GLRA3: variants seen among roughly 807,000 people sequenced by gnomAD.
The protein encoded by GLRA3 is glycine receptor alpha 3.
Under a neutral mutation model 60.4 loss-of-function variants are expected in GLRA3, and 44 were observed. The observed-to-expected ratio is 0.73, with a 90% CI of 0.57 to 0.94. The LOEUF (loss-of-function observed/expected upper bound fraction) is 0.94. Ranked by LOEUF, GLRA3 falls within the 40% of genes least tolerant of loss-of-function variation. GLRA3 has a pLI of 0.00. For synonymous variants in GLRA3, 223 were observed against 192.9 expected, an observed-to-expected ratio of 1.16 and a Z score of -1.29; for missense variants, 508 against 564.6, an observed-to-expected ratio of 0.90 and a Z score of 1.02.
chr4:174,756,271 A>G (rs1165149598), intron 3 of GLRA3, among the ~76,000 whole-genome samples: 1 of 152,224 alleles, frequency 6.6e-6, no homozygotes, highest in African/African-American at 2.4e-5. Flanking sequence ...CCAGCATAAT[A>G]CTGATACCAC....
At chr4:174,674,366 C>T (rs889125364) in intron 7 of GLRA3, among the ~76,000 whole-genome samples, 1 of 152,136 alleles carries the variant, frequency 6.6e-6, no homozygotes, top group African/African-American at 2.4e-5. Flanking sequence ...CTTATGGCCA[C>T]CTGATACAGA....
At chr4:174,762,949 A>G (rs1370040587) in intron 3 of GLRA3, among the ~76,000 whole-genome samples, 6 of 152,160 alleles carry the variant, frequency 3.9e-5, no homozygotes, top group Non-Finnish European at 4.4e-5. Context: ...GTCTTTTATC[A>G]TCAGAATTGA....
chr4:174,770,757 C>A (rs978685401), intron 2 of GLRA3, among the ~76,000 whole-genome samples: 2 of 151,942 alleles, frequency 1.3e-5, no homozygotes, highest in African/African-American at 4.8e-5. Context: ...ATCTTCATTG[C>A]TTATTTCTGA....
chr4:174,821,008 A>T (rs937880619), intron 1 of GLRA3, among the ~76,000 whole-genome samples: 25 of 152,284 alleles, frequency 1.6e-4, no homozygotes, highest in Admixed American at 1.6e-3. Flanking sequence ...AACTGTTGAA[A>T]TCTTGCTTTA....
chr4:174,812,779 G>A (rs1302728781), intron 1 of GLRA3, among the ~76,000 whole-genome samples: 1 of 152,064 alleles, frequency 6.6e-6, no homozygotes, highest in Non-Finnish European at 1.5e-5. Context: ...TATACTTAAA[G>A]CTAATATTCT....
chr4:174,741,290 G>A (rs1416077090), intron 3 of GLRA3, among the ~76,000 whole-genome samples: 1 of 152,154 alleles, frequency 6.6e-6, no homozygotes, highest in African/African-American at 2.4e-5. Flanking sequence ...TAATATGTGT[G>A]TAGTTGTTCT....
chr4:174,667,459 G>T (rs1313666380), intron 7 of GLRA3, among the ~76,000 whole-genome samples: 1 of 152,136 alleles, frequency 6.6e-6, no homozygotes, highest in Non-Finnish European at 1.5e-5. Flanking sequence ...TTTATGGAAA[G>T]AAGCTGTCAA....
chr4:174,734,629 A>G (rs1160214174), intron 3 of GLRA3, among the ~76,000 whole-genome samples: 1 of 152,334 alleles, frequency 6.6e-6, no homozygotes, highest in Non-Finnish European at 1.5e-5. Flanking sequence ...AAGCAATCTA[A>G]TTGTGTACCA....
intron 5 of GLRA3, among the ~76,000 whole-genome samples, chr4:174,691,186 TTTTTGACTTTTTAGTAATAGCCA>T (rs1395482084): frequency 3.9e-5 from 6 of 152,316 alleles, no homozygotes; most frequent in Non-Finnish European, 7.4e-5. Context: ...ATCTGTCATT[TTTTTGACTTTTTAGTAATAGCCA>T]TTTTGACTTT....
Position 174,715,628 on chromosome 4 carries a change from T to A in GLRA3, c.492-58A>T. The A allele has an allele frequency of 3.7e-6, 3 of 801,336 alleles. No individual in the cohort carries two copies. In the South Asian group the frequency reaches 4.9e-5, roughly 13 times the overall value. 49.6% of individuals were successfully genotyped at this position (801,336 alleles called of 1,614,324 possible). A position where few individuals can be genotyped will look rare whatever the true frequency, so the allele number is the denominator to read the frequency against. On this transcript the variant is annotated intron_variant, in intron 4 of 9. Transcript: ENST00000274093. Reference sequence around the variant, plus strand: ...TTTATGACATTATATTAATATTCTATTGTACAGGAGAAACAATGTTGCTTT... The same window carrying A: ...TTTATGACATTATATTAATATTCTAATGTACAGGAGAAACAATGTTGCTTT...
intron 1 of GLRA3, among the ~76,000 whole-genome samples, chr4:174,789,540 T>C (rs1018041425): frequency 1.3e-5 from 2 of 152,214 alleles, no homozygotes; most frequent in Admixed American, 1.3e-4. Flanking sequence ...TGTGTCAAGA[T>C]TGAGAAATTG....
chr4:174,657,027 T>A (rs988676376), intron 8 of GLRA3, among the ~76,000 whole-genome samples: 1 of 152,162 alleles, frequency 6.6e-6, no homozygotes, highest in Non-Finnish European at 1.5e-5. Context: ...CCTGAATATA[T>A]CAAGTAGTTA....
intron 2 of GLRA3, among the ~76,000 whole-genome samples, chr4:174,767,692 G>C (rs1279049080): frequency 6.6e-6 from 1 of 151,998 alleles, no homozygotes; most frequent in African/African-American, 2.4e-5. Flanking sequence ...GTCTTCCATG[G>C]GTTTGGGGAC....
At chr4:174,646,948 C>T (rs749648537) in intron 9 of GLRA3, among the ~76,000 whole-genome samples, 37 of 152,222 alleles carry the variant, frequency 2.4e-4, no homozygotes, top group Non-Finnish European at 1.5e-4. Context: ...TGATCCAATC[C>T]GGTTTTGAGG....
intron 5 of GLRA3, among the ~76,000 whole-genome samples, chr4:174,689,332 T>C (rs1250436523): frequency 4.6e-5 from 7 of 152,148 alleles, no homozygotes; most frequent in Admixed American, 1.3e-4. Context: ...GAATATCAAA[T>C]GGACCATAGC....
chr4:174,803,671 T>C (rs1739910597), intron 1 of GLRA3, among the ~76,000 whole-genome samples: 1 of 152,206 alleles, frequency 6.6e-6, no homozygotes, highest in South Asian at 2.1e-4. Context: ...GGCTTTTTCA[T>C]TGAATACCAT....
intron 7 of GLRA3, among the ~76,000 whole-genome samples, chr4:174,662,537 T>C (rs1010305946): frequency 2.0e-5 from 3 of 152,230 alleles, no homozygotes; most frequent in Non-Finnish European, 4.4e-5. Context: ...TATTCTTTCC[T>C]CTTTCATCTT....
At chr4:174,692,935 A>AT (rs1442839557) in intron 5 of GLRA3, among the ~76,000 whole-genome samples, 5 of 148,170 alleles carry the variant, frequency 3.4e-5, no homozygotes, top group Admixed American at 1.4e-4. Context: ...AAAATGATCA[A>AT]TAAAAAAAAA....
intron 5 of GLRA3, among the ~76,000 whole-genome samples, chr4:174,689,756 TA>T (rs553306775): frequency 9.2e-3 from 362 of 39,482 alleles, no homozygotes; most frequent in African/African-American, 0.02. Flanking sequence ...TAAGTCGCAT[TA>T]AAAAAAAAAA....
Sources: allele counts gnomAD v4.1 joint callset (sites outside exome capture counted in the v4.1 genomes callset), GRCh38; gene constraint gnomAD v4.1.1; transcripts MANE v1.5; gene names NCBI Gene and HGNC (gene_info 2026-07-23, HGNC 2026-07-21).